IPO11: variants seen among roughly 807,000 people sequenced by gnomAD.
IPO11 encodes the protein importin 11, also known as importin-11.
In IPO11, 66 loss-of-function variants were observed where a neutral mutation model predicts 143.2. The ratio of observed to expected loss-of-function variants is 0.46; its 90% CI spans 0.38 to 0.57. The LOEUF (loss-of-function observed/expected upper bound fraction) is 0.57, where lower values mean the gene tolerates loss of function less well. IPO11 is among the 20% of genes least tolerant of loss of function. The pLI is 0.00. For missense variants in IPO11, 1,026 were observed against 1,141.0 expected, an observed-to-expected ratio of 0.90 and a Z score of 1.45; for synonymous variants, 385 against 377.8, an observed-to-expected ratio of 1.02 and a Z score of -0.22.
At chr5:62,481,622 G>A (rs1235767923) in intron 9 of IPO11, among the ~76,000 whole-genome samples, 3 of 152,148 alleles carry the variant, frequency 2.0e-5, no homozygotes, top group African/African-American at 4.8e-5. Context: ...ACTTGATCAT[G>A]GCAGATAAGC....
intron 2 of IPO11, among the ~76,000 whole-genome samples, chr5:62,439,372 C>T (rs1361797716): frequency 6.1e-5 from 9 of 147,984 alleles, no homozygotes; most frequent in African/African-American, 7.5e-5. Flanking sequence ...CTGCAAGCTC[C>T]GCCTCCCAGG....
chr5:62,586,180 C>G (rs1744764955), intron 27 of IPO11, among the ~76,000 whole-genome samples: 2 of 152,120 alleles, frequency 1.3e-5, no homozygotes, highest in South Asian at 4.1e-4. Context: ...TATTAGAAAG[C>G]TGTAACAAAA....
intron 28 of IPO11, chr5:62,601,268 G>A (rs1484475613): frequency 6.6e-6 from 1 of 152,272 alleles, no homozygotes; most frequent in Non-Finnish European, 1.5e-5. Context: ...CTACCCAGAA[G>A]GTACAAGTGC....
rs911064260 is a variant in IPO11, at chr5:62,627,178, A to G, written c.2788A>G (p.Thr930Ala). The G allele has an allele frequency of 1.9e-6, 3 of 1,613,992 alleles. No individual in the cohort carries two copies. Among genetic ancestry groups the G allele is most frequent in the South Asian group, 2.2e-5 (2 of 91,046 alleles). Residue 930 changes from threonine to alanine, a missense_variant, in exon 30 of 30, where the codon ACA becomes GCA. By Grantham distance (58) the Thr-to-Ala change is moderately conservative. Transcript: ENST00000325324. The part of the protein sequence containing the change: ...KMLALKDPVH[T>A]VSLQQFIYEK... Reference sequence around the variant, plus strand: ...GCTGGCCCTGAAGGACCCTGTTCATACAGTGTCACTGCAGCAGTTCATCTA... The same window carrying G: ...GCTGGCCCTGAAGGACCCTGTTCATGCAGTGTCACTGCAGCAGTTCATCTA...
intron 1 of IPO11, among the ~76,000 whole-genome samples, chr5:62,422,893 T>C (rs1384983159): frequency 6.6e-6 from 1 of 152,178 alleles, no homozygotes; most frequent in Non-Finnish European, 1.5e-5. Context: ...AGTTAATCGA[T>C]GTATCTCAAG....
At chr5:62,426,529 G>A (rs770472142) in intron 1 of IPO11, among the ~76,000 whole-genome samples, 1 of 152,146 alleles carries the variant, frequency 6.6e-6, no homozygotes, top group African/African-American at 2.4e-5. Flanking sequence ...AGAGAAATAC[G>A]TAATGATTTG....
In IPO11 at chr5:62,483,199, A is replaced by G; in HGVS notation, c.927A>G (p.Glu309=). ...GCTATGTTTTTACAGAAGTTGGTGA[A>G]GGCGTTACATTTGAACGATTCATTG... The part of the protein sequence containing the change: ...SVSYVFTEVG[E]GVTFERFIVQ... Residue 309 remains glutamate (E), a synonymous_variant, in exon 10 of 30, where the codon GAA becomes GAG. Transcript: ENST00000325324. The G allele has an allele frequency of 6.2e-7, 1 of 1,610,198 alleles. No homozygotes were observed. The highest frequency in any genetic ancestry group is 8.5e-7 in the Non-Finnish European group (1 of 1,177,130).
chr5:62,495,388 T>C (rs960614340), intron 16 of IPO11, among the ~76,000 whole-genome samples: 1 of 152,230 alleles, frequency 6.6e-6, no homozygotes, highest in African/African-American at 2.4e-5. Flanking sequence ...AGAGAAGATA[T>C]TAAATGATTT....
chr5:62,440,347 C>T (rs987526329), intron 2 of IPO11, among the ~76,000 whole-genome samples: 1 of 147,516 alleles, frequency 6.8e-6, no homozygotes, highest in Non-Finnish European at 1.5e-5. Flanking sequence ...AGTGTACGTC[C>T]CCTTTTTTTT....
At chr5:62,498,616 C>T (rs938749999) in intron 16 of IPO11, among the ~76,000 whole-genome samples, 9 of 152,148 alleles carry the variant, frequency 5.9e-5, no homozygotes, top group East Asian at 3.9e-4. Flanking sequence ...TGGCTGGGCA[C>T]GGTGGCTCAC....
intron 29 of IPO11, among the ~76,000 whole-genome samples, chr5:62,623,812 T>C (rs972576459): frequency 2.6e-5 from 4 of 151,808 alleles, no homozygotes; most frequent in African/African-American, 9.7e-5. Flanking sequence ...GAGATAGGGT[T>C]TCATTGTATC....
chr5:62,587,229 A>G lies in IPO11; in HGVS notation c.2583-4348A>G, dbSNP rs560324723. Among the ~76,000 whole-genome samples the G allele has an allele frequency of 8.5e-5, 13 of 152,112 alleles. No homozygotes were observed. The South Asian group carries it at 2.5e-3, about 29-fold the overall frequency. On this transcript the variant is annotated intron_variant, in intron 27 of 29. Transcript: ENST00000325324. ...AAATGAAAAGACAGGTAAGCAGGGG[A>G]ATGGTTTAGTAGATAAAAGCCTTTG...
chr5:62,568,147 G>A (rs546673166), intron 27 of IPO11, among the ~76,000 whole-genome samples: 156 of 150,934 alleles, frequency 1.0e-3, no homozygotes, highest in African/African-American at 3.7e-3. Context: ...TGTATTTTTT[G>A]TAGAGATGGG....
chr5:62,531,859 C>T (rs1405381702), intron 22 of IPO11, among the ~76,000 whole-genome samples: 1 of 152,088 alleles, frequency 6.6e-6, no homozygotes, highest in Non-Finnish European at 1.5e-5. Flanking sequence ...GCCATTTGCT[C>T]TTTGTTATCT....
chr5:62,620,392 G>A (rs1746307095), intron 29 of IPO11, among the ~76,000 whole-genome samples: 1 of 151,972 alleles, frequency 6.6e-6, no homozygotes, highest in Non-Finnish European at 1.5e-5. Context: ...GGTGGCGGGT[G>A]CCTGTAGTCC....
intron 27 of IPO11, chr5:62,579,368 C>T (rs956175483): frequency 9.3e-6 from 13 of 1,390,782 alleles, no homozygotes; most frequent in Admixed American, 8.0e-5. Context: ...ATGAAGTTTT[C>T]GTGATTTAAA....
At chr5:62,608,315 C>T (rs1440488811) in intron 29 of IPO11, among the ~76,000 whole-genome samples, 1 of 152,194 alleles carries the variant, frequency 6.6e-6, no homozygotes, top group African/African-American at 2.4e-5. Context: ...TTTGGACAAG[C>T]TATAGCCCTC....
At chr5:62,572,541 GTTTGTTTATTTATTTATTTATTTATTTA>G (rs1375756963) in intron 27 of IPO11, among the ~76,000 whole-genome samples, 2 of 141,668 alleles carry the variant, frequency 1.4e-5, no homozygotes, top group Non-Finnish European at 3.0e-5. Context: ...ATGTATATTT[GTTTGTTTATTTATTTATTTATTTATTTA>G]TTTATTTATT....
At chr5:62,580,197 T>C in intron 27 of IPO11, 3 of 1,551,186 alleles carry the variant, frequency 1.9e-6, no homozygotes, top group Admixed American at 3.9e-5. Flanking sequence ...GACTTGCCAA[T>C]CTGGAATACC....
Sources: allele counts gnomAD v4.1 joint callset (sites outside exome capture counted in the v4.1 genomes callset), GRCh38; gene constraint gnomAD v4.1.1; transcripts MANE v1.5; gene names NCBI Gene and HGNC (gene_info 2026-07-23, HGNC 2026-07-21).